Variants in MET observed in about 807,000 individuals in gnomAD.
The protein encoded by MET is MET proto-oncogene, receptor tyrosine kinase, also known as hepatocyte growth factor receptor.
MET carries 48 observed loss-of-function variants against 133.1 expected under a neutral mutation model. The observed-to-expected ratio is 0.36, with a 90% CI of 0.29 to 0.46. The LOEUF (loss-of-function observed/expected upper bound fraction) is 0.46. Ranked by LOEUF, MET falls within the 20% of genes least tolerant of loss-of-function variation. The pLI, the probability that MET is intolerant of heterozygous loss-of-function variation, is 1.00. For synonymous variants in MET, 628 were observed against 616.5 expected (o/e 1.02, Z -0.28); for missense variants, 1,442 against 1,695.9 (o/e 0.85, Z 2.63).
At position 116,795,985 on chromosome 7, in the gene MET, T is replaced by C. The variant is rs768188910; in HGVS notation, c.4034T>C (p.Ile1345Thr). 48 of 1,614,012 alleles carry C rather than the reference T, an allele frequency of 3.0e-5. No individual in the cohort carries two copies. Among genetic ancestry groups the C allele is most frequent in the African/African-American group, 4.0e-5 (3 of 74,930 alleles). ...SRISAIFSTF[I>T]GEHYVHVNAT... The stretch of plus-strand genomic sequence containing the variant: ...ATATCAGCGATCTTCTCTACTTTCA[T>C]TGGGGAGCACTATGTCCATGTGAAC... The change falls in exon 21 of 21, where the codon ATT becomes ACT. Residue 1345 changes from isoleucine to threonine, a missense_variant. Ile to Thr is a moderately conservative substitution (Grantham distance 89). Coordinates refer to ENST00000397752, the MANE Select transcript of MET (RefSeq NM_000245.4).
intron 1 of MET, among the ~76,000 whole-genome samples, chr7:116,686,589 A>G (rs1199644578): frequency 6.6e-6 from 1 of 152,204 alleles, no homozygotes; most frequent in Non-Finnish European, 1.5e-5. Flanking sequence ...TATCCCAAGC[A>G]TCTGATGCAT....
chr7:116,677,970 T>C (rs1317792157), intron 1 of MET, among the ~76,000 whole-genome samples: 1 of 89,758 alleles, frequency 1.1e-5, no homozygotes, highest in Non-Finnish European at 2.0e-5. Context: ...ATATTGTCTT[T>C]CTCTCTCTCT....
intron 1 of MET, among the ~76,000 whole-genome samples, chr7:116,682,129 G>T (rs1424517036): frequency 6.6e-6 from 1 of 151,970 alleles, no homozygotes; most frequent in Non-Finnish European, 1.5e-5. Flanking sequence ...GGTCTTCAAA[G>T]AACTTACCAA....
chr7:116,777,283 G>C, intron 15 of MET, 106 bp from the exon 16 acceptor site: 1 of 965,182 alleles, frequency 1.0e-6, no homozygotes. Context: ...CTCTTTTGCT[G>C]TATAGAAAGA....
intron 19 of MET, among the ~76,000 whole-genome samples, chr7:116,790,711 C>T (rs1331515187): frequency 1.3e-5 from 2 of 152,062 alleles, no homozygotes; most frequent in Non-Finnish European, 2.9e-5. Context: ...CAGAGTAGTT[C>T]ATCTCTTTTT....
intron 2 of MET, among the ~76,000 whole-genome samples, chr7:116,728,676 T>A (rs985327431): frequency 6.6e-6 from 1 of 152,196 alleles, no homozygotes; most frequent in Non-Finnish European, 1.5e-5. Flanking sequence ...ATGCACTAAT[T>A]TTTCAGCAGG....
In MET at chr7:116,763,274, A is replaced by G. The variant is rs769647929; in HGVS notation, c.2583+6A>G. On this transcript the variant is annotated splice_donor_region_variant and intron_variant, in intron 11 of 20. Coordinates refer to ENST00000397752, the MANE Select transcript of MET (RefSeq NM_000245.4). ...AAAATGTACTGGAAATTAAGGTAAG[A>G]AATGCTTTAAACACTGTCTTAAATC... The G allele has an allele frequency of 3.0e-5, 49 of 1,610,840 alleles. No individual in the cohort carries two copies. In the East Asian group the frequency reaches 8.9e-4, roughly 29 times the overall value.
At chr7:116,724,791 G>A (rs1246447307) in intron 2 of MET, 2 of 1,286,104 alleles carry the variant, frequency 1.6e-6, no homozygotes, top group Non-Finnish European at 2.0e-6. Flanking sequence ...GTGCTAGATT[G>A]GAGGTGAAGA....
intron 1 of MET, 147 bp from the exon 2 acceptor site, chr7:116,698,924 G>A (rs1797058997): frequency 1.8e-6 from 2 of 1,095,034 alleles, no homozygotes; most frequent in East Asian, 2.6e-5. Flanking sequence ...GCATCTTTAT[G>A]TGAAACTTGC....
At chr7:116,759,880 G>A (rs1794329696) in intron 10 of MET, among the ~76,000 whole-genome samples, 1 of 152,076 alleles carries the variant, frequency 6.6e-6, no homozygotes, top group South Asian at 2.1e-4. Context: ...AGGTTCAAGC[G>A]ATTCTCCACC....
intron 5 of MET, among the ~76,000 whole-genome samples, chr7:116,741,888 G>A (rs921982287): frequency 1.1e-4 from 16 of 152,222 alleles, no homozygotes; most frequent in African/African-American, 3.9e-4. Flanking sequence ...TTCTGGCAAT[G>A]GACATTGGCT....
intron 3 of MET, among the ~76,000 whole-genome samples, chr7:116,737,769 G>A (rs1405720332): frequency 6.6e-6 from 1 of 152,124 alleles, no homozygotes; most frequent in Non-Finnish European, 1.5e-5. Flanking sequence ...AAGTCCAGAG[G>A]TGCAAAGAGC....
At chr7:116,780,597 CGGAAT>C (rs1268014059) in intron 17 of MET, among the ~76,000 whole-genome samples, 4 of 152,124 alleles carry the variant, frequency 2.6e-5, no homozygotes, top group Non-Finnish European at 5.9e-5. Flanking sequence ...TTATCCAGAA[CGGAAT>C]AGTGCCATGG....
chr7:116,712,956 TAAGAGGG>T (rs1010969420), intron 2 of MET, among the ~76,000 whole-genome samples: 2 of 152,186 alleles, frequency 1.3e-5, no homozygotes, highest in Non-Finnish European at 2.9e-5. Context: ...ATACCATCTG[TAAGAGGG>T]ACTTTACGCA....
intron 17 of MET, among the ~76,000 whole-genome samples, chr7:116,780,124 C>CA (rs1386894508): frequency 2.0e-5 from 3 of 152,098 alleles, no homozygotes; most frequent in Middle Eastern, 3.4e-3. Context: ...CTAAGGGTTA[C>CA]AAAAAAAGGT....
intron 11 of MET, among the ~76,000 whole-genome samples, chr7:116,767,462 T>C (rs966871873): frequency 3.9e-5 from 6 of 152,180 alleles, no homozygotes; most frequent in Non-Finnish European, 8.8e-5. Context: ...AGACGGTAAG[T>C]AGATTTTGTG....
At chr7:116,721,972 G>A (rs1191034725) in intron 2 of MET, among the ~76,000 whole-genome samples, 1 of 150,496 alleles carries the variant, frequency 6.6e-6, no homozygotes, top group African/African-American at 2.4e-5. Flanking sequence ...TTGATTTGGG[G>A]TGGAGAGTTC....
intron 2 of MET, among the ~76,000 whole-genome samples, chr7:116,714,282 A>G (rs571208359): frequency 1.3e-5 from 2 of 152,346 alleles, no homozygotes; most frequent in East Asian, 3.9e-4. Context: ...GTGGTACCTC[A>G]AGAGAAAGGA....
In MET at chr7:116,752,069, A is replaced by G. The variant is rs138488688; in HGVS notation, c.1702-3286A>G. ...GAACGAGACTCTGTCTCAATAAAAA[A>G]AAAGAAAGAAAGAAAGAAAATTCAA... On this transcript the variant is annotated intron_variant, in intron 5 of 20. Coordinates refer to ENST00000397752, the MANE Select transcript of MET (RefSeq NM_000245.4). 7.6e-3 allele frequency among the ~76,000 whole-genome samples: 1,161 copies of G among 152,240 alleles called. 10 individuals are homozygous for G. Among genetic ancestry groups the G allele is most frequent in the Non-Finnish European group, 0.012 (800 of 68,010 alleles).
Sources: allele counts gnomAD v4.1 joint callset (sites outside exome capture counted in the v4.1 genomes callset), GRCh38; gene constraint gnomAD v4.1.1; transcripts MANE v1.5; gene names NCBI Gene and HGNC (gene_info 2026-07-23, HGNC 2026-07-21).